The following PLG variants were observed in gnomAD, a reference collection of about 807,000 sequenced individuals.
PLG encodes the protein plasmin.
A neutral mutation model predicts 104.4 loss-of-function variants in PLG; 41 were observed. The observed-to-expected ratio is 0.39, with a 90% confidence interval of 0.31 to 0.51. The LOEUF is 0.51. Ranked by LOEUF, PLG falls within the 20% of genes least tolerant of loss-of-function variation. The pLI is 0.76. For missense variants in PLG, 891 were observed against 1,003.6 expected (o/e 0.89, Z 1.52); for synonymous variants, 337 against 357.1 (o/e 0.94, Z 0.63).
Position 160,752,172 on chromosome 6 carries a change from T to G in PLG, c.2183T>G (p.Val728Gly). The change falls in exon 18 of 19, where the codon GTG (valine) becomes GGG (glycine). Residue 728 changes from valine to glycine, a missense_variant. Transcript: ENST00000308192. This position sits in a 1 kb window ranked among gnomAD's most constrained non-coding sequence, Gnocchi z 4.7. Reference protein sequence around the residue: ...EAQLPVIENKVCNRYEFLNGR... With the variant: ...EAQLPVIENKGCNRYEFLNGR... ...CAGCTCCCTGTGATTGAGAATAAAG[T>G]GTGCAATCGCTATGAGTTTCTGAAT... The G allele has an allele frequency of 6.2e-7, 1 of 1,612,590 alleles. No homozygotes were observed. The highest frequency in any genetic ancestry group is 8.5e-7 in the Non-Finnish European group (1 of 1,178,546).
intron 3 of PLG, chr6:160,708,526 C>G (rs993729465): frequency 5.3e-5 from 8 of 152,188 alleles, no homozygotes; most frequent in Admixed American, 4.6e-4. Context: ...TTAAGCATAT[C>G]CCATCAAGTA....
chr6:160,733,187 AG>A (rs1778027029), intron 12 of PLG, among the ~76,000 whole-genome samples: 1 of 152,230 alleles, frequency 6.6e-6, no homozygotes, highest in Non-Finnish European at 1.5e-5. Context: ...ATTCTACCAC[AG>A]TGTCATATGA....
At chr6:160,711,909 T>C (rs947178243) in intron 4 of PLG, 5 of 1,347,756 alleles carry the variant, frequency 3.7e-6, no homozygotes, top group South Asian at 3.3e-5. Context: ...TTGCCTATTA[T>C]TTATTTTAGT....
Position 160,733,075 on chromosome 6 carries a change from G to A in PLG, c.1588-920G>A, listed in dbSNP as rs149865950. On this transcript the variant is annotated intron_variant, in intron 12 of 18. Transcript: ENST00000308192. ...ACTATCCAAGAACCCACCAAGAGTT[G>A]CTTCATTCAAACAAAAGATGCTCCC... Among the ~76,000 whole-genome samples the A allele has an allele frequency of 5.9e-5, 9 of 152,224 alleles. No individual in the cohort carries two copies. The East Asian group carries it at 1.7e-3, about 29-fold the overall frequency.
At position 160,737,027 on chromosome 6, in the gene PLG, C is replaced by G; in HGVS notation, c.1802+20C>G. The G allele has an allele frequency of 6.2e-7, 1 of 1,611,662 alleles. No homozygotes were observed. The highest frequency in any genetic ancestry group is 8.5e-7 in the Non-Finnish European group (1 of 1,179,450). ...AACAAGGTAAGAACAGGCCCAGAAA[C>G]GATTTATACTGTCCCTCCACGTAAG... is the stretch of plus-strand genomic sequence containing the variant. On this transcript the variant is annotated intron_variant, in intron 14 of 18. Transcript: ENST00000308192. This position sits in a 1 kb window ranked among gnomAD's most constrained non-coding sequence, Gnocchi z 4.7.
chr6:160,705,291 C>T (rs9458011), intron 1 of PLG: 14,616 of 152,274 alleles, frequency 0.096, 853 homozygotes, highest in East Asian at 0.23. Flanking sequence ...GACAAGGGGA[C>T]ACCCTGTAGC....
intron 1 of PLG, chr6:160,706,060 A>G: frequency 3.1e-6 from 1 of 318,458 alleles, no homozygotes; most frequent in Non-Finnish European, 6.0e-6. Flanking sequence ...CAGGTGTGTT[A>G]CATAACTAAA....
Position 160,723,941 on chromosome 6 carries a change from C to A in PLG, c.1256+1374C>A, listed in dbSNP as rs1274195789. 6.6e-6 allele frequency among the ~76,000 whole-genome samples: 1 copy of A among 152,104 alleles called. No individual in the cohort carries two copies. The highest frequency in any genetic ancestry group is 1.5e-5 in the Non-Finnish European group (1 of 68,014). Reference sequence around the variant, plus strand: ...CCACTCCAGAAACAGCATAGTAAAGCTGAAAAGCAAGTCTAAAAAAATCAA... The same window carrying A: ...CCACTCCAGAAACAGCATAGTAAAGATGAAAAGCAAGTCTAAAAAAATCAA... On this transcript the variant is annotated intron_variant, in intron 10 of 18. Coordinates refer to ENST00000308192, the MANE Select transcript of PLG (RefSeq NM_000301.5). The surrounding 1 kb of genome is among the most constrained non-coding windows in gnomAD (Gnocchi z 4.7).
In PLG at chr6:160,731,545, T is replaced by A. The variant is rs1777999513; in HGVS notation, c.1439-200T>A. On this transcript the variant is annotated intron_variant, in intron 11 of 18. Coordinates refer to ENST00000308192, the MANE Select transcript of PLG (RefSeq NM_000301.5). The surrounding 1 kb of genome is among the most constrained non-coding windows in gnomAD (Gnocchi z 5.1). ...TCGTATTCTATCATGCTGCCATATG[T>A]GTGATTCTTTCCAAGCCAGTAAGCA... Among the ~76,000 whole-genome samples the A allele has an allele frequency of 6.6e-6, 1 of 152,176 alleles. No individual in the cohort carries two copies. Among genetic ancestry groups the A allele is most frequent in the African/African-American group, 2.4e-5 (1 of 41,430 alleles).
chr6:160,708,005 AT>A (rs912116968), intron 3 of PLG, 199 bp downstream of exon 3: 54 of 542,972 alleles, frequency 9.9e-5, no homozygotes, highest in Middle Eastern at 5.3e-4. Flanking sequence ...CTTAGATTTA[AT>A]TTTTTTTGTT....
At chr6:160,730,908 G>A (rs897931565) in intron 10 of PLG, 143 bp from the exon 11 acceptor site, 2 of 774,468 alleles carry the variant, frequency 2.6e-6, no homozygotes, top group Non-Finnish European at 4.3e-6. Context: ...GACCATTTTT[G>A]TTTGTTACAA....
At chr6:160,713,569 G>T (rs897782615) in intron 5 of PLG, among the ~76,000 whole-genome samples, 1 of 152,098 alleles carries the variant, frequency 6.6e-6, no homozygotes, top group African/African-American at 2.4e-5. Context: ...ATGCCCAGCA[G>T]ACCTGAATTA....
intron 1 of PLG, among the ~76,000 whole-genome samples, chr6:160,703,191 A>AGG: frequency 6.6e-6 from 1 of 152,198 alleles, no homozygotes; most frequent in East Asian, 1.9e-4. Context: ...GAAGGAATCT[A>AGG]GGGCTCTTCT....
Position 160,741,546 on chromosome 6 carries a change from G to A in PLG, c.2125+129G>A. 1.4e-6 allele frequency: 1 copy of A among 725,034 alleles called. No individual in the cohort carries two copies. 44.9% of individuals were successfully genotyped at this position (725,034 alleles called of 1,614,324 possible). On this transcript the variant is annotated intron_variant, in intron 17 of 18. Transcript: ENST00000308192. This position sits in a 1 kb window ranked among gnomAD's most constrained non-coding sequence, Gnocchi z 4.7. ...TGTGGTCCACCCCACTCCTGATTTTGCCTGGGCACCTGTCTATGTCTTAAT... is the reference window on the plus strand; with the variant it reads ...TGTGGTCCACCCCACTCCTGATTTTACCTGGGCACCTGTCTATGTCTTAAT...
chr6:160,714,074 A>G, intron 5 of PLG, among the ~76,000 whole-genome samples: 1 of 152,166 alleles, frequency 6.6e-6, no homozygotes, highest in East Asian at 1.9e-4. Context: ...ATTTGCCCTT[A>G]AGCACCACCA....
rs553154968 is a variant in PLG, at chr6:160,729,313, T to C, written c.1257-1738T>C. Among the ~76,000 whole-genome samples the C allele has an allele frequency of 3.3e-5, 5 of 152,316 alleles. No individual in the cohort carries two copies. The South Asian group carries it at 1.0e-3, about 32-fold the overall frequency. On this transcript the variant is annotated intron_variant, in intron 10 of 18. Transcript: ENST00000308192. ...CTCGCATACGCTGGTTAAAGTACAG[T>C]ATGCTGGTTTTCCATAAAGTTAAAT...
rs957064698 is a variant in PLG at position 160,740,896 on chromosome 6, A to G, written c.2019-415A>G. Among the ~76,000 whole-genome samples, 1 of 152,190 alleles carries G rather than the reference A, an allele frequency of 6.6e-6. No homozygotes were observed. The highest frequency in any genetic ancestry group is 2.4e-5 in the African/African-American group (1 of 41,448). Reference sequence around the variant, plus strand: ...GGATGGAGCAAGTTGCTCTGGGCACACAACACATTTGCAATTTTACAGCCT... The same window carrying G: ...GGATGGAGCAAGTTGCTCTGGGCACGCAACACATTTGCAATTTTACAGCCT... On this transcript the variant is annotated intron_variant, in intron 16 of 18. Transcript: ENST00000308192. This position sits in a 1 kb window ranked among gnomAD's most constrained non-coding sequence, Gnocchi z 5.2.
chr6:160,748,774 C>T (rs191359128), intron 17 of PLG, among the ~76,000 whole-genome samples: 1 of 152,312 alleles, frequency 6.6e-6, no homozygotes, highest in Admixed American at 6.5e-5. Context: ...TTCTTGGGCA[C>T]AAATGTGACA....
intron 9 of PLG, 128 bp from the exon 10 acceptor site, chr6:160,722,276 ATCTG>A (rs1415349618): frequency 2.9e-5 from 19 of 644,452 alleles, no homozygotes; most frequent in Admixed American, 2.1e-4. Context: ...TTTTATGTTA[ATCTG>A]TCTGCTAATA....
Sources: allele counts gnomAD v4.1 joint callset (sites outside exome capture counted in the v4.1 genomes callset), GRCh38; gene constraint gnomAD v4.1.1; non-coding constraint Gnocchi (gnomAD v3.1); transcripts MANE v1.5; gene names NCBI Gene and HGNC (gene_info 2026-07-23, HGNC 2026-07-21).